Variants in THSD4 observed in about 807,000 individuals in gnomAD.
THSD4 encodes thrombospondin type 1 domain containing 4, also known as thrombospondin type-1 domain-containing protein 4.
A neutral mutation model predicts 119.0 loss-of-function variants in THSD4; 69 were observed. The observed-to-expected ratio is 0.58, with a 90% CI of 0.48 to 0.71. The LOEUF (loss-of-function observed/expected upper bound fraction) is 0.71, where lower values mean the gene tolerates loss of function less well. Ranked by LOEUF, THSD4 falls within the 30% of genes least tolerant of loss-of-function variation. The pLI is 0.00. For synonymous variants in THSD4, 524 were observed against 540.4 expected, an observed-to-expected ratio of 0.97 and a Z score of 0.42; for missense variants, 1,393 against 1,391.1, an observed-to-expected ratio of 1.00 and a Z score of -0.02.
At chr15:71,489,480 T>C (rs904853553) in intron 7 of THSD4, among the ~76,000 whole-genome samples, 1 of 152,154 alleles carries the variant, frequency 6.6e-6, no homozygotes, top group African/African-American at 2.4e-5. Context: ...CTCACCATCT[T>C]CTGTGGGGAC....
chr15:71,746,493 C>T (rs1384718439), intron 12 of THSD4, among the ~76,000 whole-genome samples: 1 of 152,154 alleles, frequency 6.6e-6, no homozygotes, highest in African/African-American at 2.4e-5. Flanking sequence ...CTCCCAGGCT[C>T]AAGCCATCCC....
At chr15:71,546,930 T>C (rs1368737932) in intron 7 of THSD4, among the ~76,000 whole-genome samples, 5 of 152,272 alleles carry the variant, frequency 3.3e-5, no homozygotes, top group Middle Eastern at 6.8e-3. Flanking sequence ...AGCTTGTCAG[T>C]CCCAGATCCT....
intron 7 of THSD4, among the ~76,000 whole-genome samples, chr15:71,636,167 A>G (rs1229968405): frequency 6.6e-6 from 1 of 152,182 alleles, no homozygotes; most frequent in Non-Finnish European, 1.5e-5. Context: ...CACACCTATA[A>G]TCCCAGAACT....
At chr15:71,544,916 C>G (rs968317763) in intron 7 of THSD4, among the ~76,000 whole-genome samples, 1 of 152,172 alleles carries the variant, frequency 6.6e-6, no homozygotes, top group Non-Finnish European at 1.5e-5. Context: ...AGGACAAATA[C>G]TGTAGTGTAT....
intron 10 of THSD4, among the ~76,000 whole-genome samples, chr15:71,734,876 AG>A (rs2053052569): frequency 6.6e-6 from 1 of 151,582 alleles, no homozygotes; most frequent in African/African-American, 2.4e-5. Context: ...TCCCAGAGGG[AG>A]TCTAACCCTT....
At chr15:71,761,738 A>G (rs2053630765) in intron 15 of THSD4, among the ~76,000 whole-genome samples, 1 of 152,186 alleles carries the variant, frequency 6.6e-6, no homozygotes, top group Admixed American at 6.5e-5. Context: ...ATTTTGCTAA[A>G]GACTATAACC....
At chr15:71,192,985 A>G (rs1175719233) in intron 3 of THSD4, among the ~76,000 whole-genome samples, 2 of 152,150 alleles carry the variant, frequency 1.3e-5, no homozygotes, top group East Asian at 1.9e-4. Context: ...ACTTGGCTGC[A>G]CACCAGGGAG....
At chr15:71,440,478 A>G (rs574503867) in intron 7 of THSD4, among the ~76,000 whole-genome samples, 3 of 152,352 alleles carry the variant, frequency 2.0e-5, no homozygotes, top group South Asian at 2.1e-4. Context: ...GTTTAGGGAA[A>G]GATAAACTCT....
intron 7 of THSD4, among the ~76,000 whole-genome samples, chr15:71,414,622 A>G (rs1183319165): frequency 6.6e-6 from 1 of 152,240 alleles, no homozygotes; most frequent in Non-Finnish European, 1.5e-5. Flanking sequence ...TGGTCTCTTC[A>G]CTGGGAGAGC....
chr15:71,764,995 C>T (rs2053690097), intron 15 of THSD4, 25 bp from the exon 16 acceptor site: 1 of 1,603,540 alleles, frequency 6.2e-7, no homozygotes, highest in African/African-American at 1.3e-5. Flanking sequence ...ATGTGACACT[C>T]ATCTTTTTCT....
rs563417744 is a variant in THSD4, at chr15:71,589,497, A to C, written c.1153-71033A>C. ...CAGCCTTCCAAGTAGCTGGAAACACAGTCATGCATCACCATGCCCAGCTAA... is the reference window on the plus strand; with the variant it reads ...CAGCCTTCCAAGTAGCTGGAAACACCGTCATGCATCACCATGCCCAGCTAA... On this transcript the variant is annotated intron_variant, in intron 7 of 17. Coordinates refer to ENST00000261862, the MANE Select transcript of THSD4 (RefSeq NM_024817.3). 4.0e-4 allele frequency among the ~76,000 whole-genome samples: 56 copies of C among 138,542 alleles called. 9 individuals are homozygous for C. The highest frequency in any genetic ancestry group is 9.2e-4 in the South Asian group (4 of 4,344). The allele number at this position is 138,542 out of a possible 152,430, so 90.9% of individuals were successfully genotyped here.
chr15:71,586,085 T>G (rs746666158), intron 7 of THSD4, among the ~76,000 whole-genome samples: 15 of 152,174 alleles, frequency 9.9e-5, no homozygotes, highest in Non-Finnish European at 1.9e-4. Flanking sequence ...TTCTTTAGGG[T>G]TGGTTACTGA....
chr15:71,770,282 A>C (rs1171699102), intron 16 of THSD4, among the ~76,000 whole-genome samples: 2 of 144,360 alleles, frequency 1.4e-5, no homozygotes, highest in African/African-American at 5.2e-5. Context: ...TTCTCAAAGA[A>C]AATGTATTTA....
chr15:71,215,101 T>G lies in THSD4; in HGVS notation c.166T>G (p.Trp56Gly), dbSNP rs960178587. The stretch of plus-strand genomic sequence containing the variant: ...CGGCGGCGGCGGCGCCCCGGGAGTG[T>G]GGGGCGCCTGGGGCCCCTGGTCGGC... ...DDGGGGAPGVWGAWGPWSACS... is the reference protein window; with the variant it reads ...DDGGGGAPGVGGAWGPWSACS... The change falls in exon 4 of 18, where the codon TGG becomes GGG. Residue 56 changes from tryptophan (W) to glycine (G), a missense_variant. By Grantham distance (184) the Trp-to-Gly change is radical. Coordinates refer to ENST00000261862, the MANE Select transcript of THSD4 (RefSeq NM_024817.3). 1.5e-6 allele frequency: 2 copies of G among 1,328,244 alleles called. No homozygotes were observed. The highest frequency in any genetic ancestry group is 1.9e-6 in the Non-Finnish European group (2 of 1,037,878). The allele number at this position is 1,328,244 out of a possible 1,614,324, so 82.3% of individuals were successfully genotyped here. A position where few individuals can be genotyped will look rare whatever the true frequency, so the allele number is the denominator to read the frequency against.
chr15:71,476,938 G>T (rs557089334), intron 7 of THSD4, among the ~76,000 whole-genome samples: 130 of 152,300 alleles, frequency 8.5e-4, no homozygotes, highest in African/African-American at 3.0e-3. Context: ...TCTATAGGGT[G>T]AGCATGAGTG....
intron 8 of THSD4, among the ~76,000 whole-genome samples, chr15:71,696,232 G>A (rs187759976): frequency 1.0e-3 from 153 of 152,306 alleles, no homozygotes; most frequent in African/African-American, 3.6e-3. Flanking sequence ...CGTGGTTTTG[G>A]TGAGGGCTTT....
intron 6 of THSD4, among the ~76,000 whole-genome samples, chr15:71,380,865 G>A (rs2899770): frequency 0.7 from 106,390 of 151,984 alleles, 37,973 homozygotes; most frequent in African/African-American, 0.83. Flanking sequence ...GCTTCCGTAA[G>A]CATATTATAT....
At chr15:71,532,263 T>TGAGAGAGAGAGAGAGA (rs112859786) in intron 7 of THSD4, among the ~76,000 whole-genome samples, 987 of 71,210 alleles carry the variant, frequency 0.014, 27 homozygotes, top group East Asian at 0.028. Context: ...CAACAAAGGG[T>TGAGAGAGAGAGAGAGA]GAGAGAGAGA....
intron 7 of THSD4, among the ~76,000 whole-genome samples, chr15:71,519,291 G>A (rs538142770): frequency 1.3e-5 from 2 of 152,312 alleles, no homozygotes; most frequent in Admixed American, 6.5e-5. Flanking sequence ...ACAGGCTTTG[G>A]ATTTTGCTCC....
Sources: gnomAD v4.1 joint callset for allele counts (sites outside exome capture counted in the v4.1 genomes callset) on GRCh38, gnomAD v4.1.1 for gene constraint, MANE v1.5 for transcripts, NCBI Gene and HGNC (gene_info 2026-07-23, HGNC 2026-07-21) for gene names.